ANOS1: variants seen among roughly 807,000 people sequenced by gnomAD.
ANOS1 encodes the protein anosmin 1.
In ANOS1, 6 loss-of-function variants were observed where a neutral mutation model predicts 59.0. That is an observed-to-expected ratio of 0.10 (90% CI 0.06 to 0.20). ANOS1 has a LOEUF of 0.20. ANOS1 is among the 10% of genes least tolerant of loss of function. The pLI is 1.00. For synonymous variants in ANOS1, 217 were observed against 223.4 expected (o/e 0.97, Z 0.25); for missense variants, 433 against 542.3 (o/e 0.80, Z 2.00).
intron 11 of ANOS1, among the ~76,000 whole-genome samples, chrX:8,536,188 CTTT>C (rs1304219147): frequency 3.1e-5 from 1 of 31,891 alleles, no homozygotes; most frequent in Non-Finnish European, 5.6e-5. Context: ...AAATCCGAAG[CTTT>C]TTTTTTTTTT....
chrX:8,679,067 A>G lies in ANOS1; in HGVS notation c.255+20631T>C, dbSNP rs192987333. Among the ~76,000 whole-genome samples, 7 of 111,517 alleles carry G rather than the reference A, an allele frequency of 6.3e-5. No homozygotes were observed. The East Asian group carries it at 2.0e-3, about 32-fold the overall frequency. On this transcript the variant is annotated intron_variant, in intron 2 of 13. Transcript: ENST00000262648. ...AAAGAGAGCAAAGTAAACAACTTTA[A>G]TTACAAAACAGAAACTGTCAGGCAT... is the stretch of plus-strand genomic sequence containing the variant.
chrX:8,628,565 G>A (rs1931434491), intron 2 of ANOS1, among the ~76,000 whole-genome samples: 1 of 111,670 alleles, frequency 9.0e-6, no homozygotes, highest in Admixed American at 9.5e-5. Context: ...CGAGAGGAGT[G>A]ATTATGAGAG....
chrX:8,712,291 A>G (rs371489292), intron 1 of ANOS1, among the ~76,000 whole-genome samples: 1 of 112,199 alleles, frequency 8.9e-6, no homozygotes, highest in African/African-American at 3.2e-5. Context: ...TAAGGACACC[A>G]GTCATATTGG....
chrX:8,700,712 A>G (rs1002143232), intron 1 of ANOS1, among the ~76,000 whole-genome samples: 1 of 112,443 alleles, frequency 8.9e-6, no homozygotes. Context: ...CACTCAATAT[A>G]TAACAAATAT....
At chrX:8,619,230 T>C (rs79540259) in intron 3 of ANOS1, among the ~76,000 whole-genome samples, 1 of 110,202 alleles carries the variant, frequency 9.1e-6, no homozygotes, top group South Asian at 3.9e-4. Flanking sequence ...GAAAATAAAA[T>C]CTCATATAAT....
At chrX:8,652,088 C>T (rs1602004779) in intron 2 of ANOS1, among the ~76,000 whole-genome samples, 1 of 110,837 alleles carries the variant, frequency 9.0e-6, no homozygotes, top group African/African-American at 3.3e-5. Context: ...GGACTACAAG[C>T]ATGCACCACC....
chrX:8,664,112 G>A (rs1044880520), intron 2 of ANOS1, among the ~76,000 whole-genome samples: 3 of 111,845 alleles, frequency 2.7e-5, no homozygotes, highest in South Asian at 3.8e-4. Context: ...TGATAGGTGC[G>A]ACAAACCATC....
At chrX:8,672,578 C>A (rs902381968) in intron 2 of ANOS1, among the ~76,000 whole-genome samples, 2 of 112,140 alleles carry the variant, frequency 1.8e-5, no homozygotes, top group African/African-American at 6.5e-5. Context: ...AGCTCCACTG[C>A]ATTTGAGAGA....
intron 8 of ANOS1, among the ~76,000 whole-genome samples, chrX:8,559,125 T>C (rs1261637336): frequency 8.9e-6 from 1 of 111,756 alleles, no homozygotes; most frequent in African/African-American, 3.2e-5. Flanking sequence ...GCACCGGCAG[T>C]GAGCTTGACC....
At chrX:8,590,583 T>C (rs773718557) in intron 4 of ANOS1, among the ~76,000 whole-genome samples, 1 of 112,098 alleles carries the variant, frequency 8.9e-6, no homozygotes, top group Admixed American at 9.5e-5. Context: ...ATGATGCCTG[T>C]CTTTCCATTA....
intron 6 of ANOS1, among the ~76,000 whole-genome samples, chrX:8,573,972 A>AT (rs1375969982): frequency 1.8e-5 from 2 of 111,638 alleles, no homozygotes; most frequent in African/African-American, 6.5e-5. Context: ...GTTTTTCTGA[A>AT]TACAGCAGTC....
chrX:8,590,836 G>T (rs73472367), intron 4 of ANOS1, among the ~76,000 whole-genome samples: 2 of 111,790 alleles, frequency 1.8e-5, no homozygotes, highest in East Asian at 5.6e-4. Flanking sequence ...AGTCACCTAG[G>T]GAAGGGTGAA....
intron 2 of ANOS1, among the ~76,000 whole-genome samples, chrX:8,695,760 G>A (rs1932676876): frequency 9.3e-6 from 1 of 107,970 alleles, no homozygotes; most frequent in South Asian, 4.0e-4. Flanking sequence ...TTGAGCAGGA[G>A]ATCTTTCATA....
chrX:8,717,881 T>C (rs190303003), intron 1 of ANOS1, among the ~76,000 whole-genome samples: 2 of 109,713 alleles, frequency 1.8e-5, no homozygotes, highest in East Asian at 2.9e-4. Flanking sequence ...CTAGGCAATA[T>C]AGTGAGAACT....
At chrX:8,553,792 T>C (rs1467736531) in intron 9 of ANOS1, among the ~76,000 whole-genome samples, 160 bp downstream of exon 9, 1 of 112,113 alleles carries the variant, frequency 8.9e-6, no homozygotes, top group African/African-American at 3.2e-5. Context: ...CTGTTGTAGA[T>C]TTCAAGATGT....
chrX:8,680,504 G>T (rs1238828207), intron 2 of ANOS1, among the ~76,000 whole-genome samples: 1 of 111,516 alleles, frequency 9.0e-6, no homozygotes. Flanking sequence ...TTTGAACCAG[G>T]GTGTTTTTGT....
intron 1 of ANOS1, among the ~76,000 whole-genome samples, chrX:8,710,256 T>TTTTGAAA (rs1410837645): frequency 8.9e-6 from 1 of 111,909 alleles, no homozygotes; most frequent in Admixed American, 9.5e-5. Flanking sequence ...TTATGAGGGC[T>TTTTGAAA]TTTGAAATTC....
chrX:8,666,467 T>C (rs1333080764), intron 2 of ANOS1, among the ~76,000 whole-genome samples: 1 of 111,856 alleles, frequency 8.9e-6, no homozygotes, highest in African/African-American at 3.2e-5. Flanking sequence ...TGAAATAAGG[T>C]TCCTGGAGCC....
chrX:8,580,877 C>T (rs144085010), intron 6 of ANOS1, among the ~76,000 whole-genome samples: 2 of 111,818 alleles, frequency 1.8e-5, no homozygotes, highest in Non-Finnish European at 3.8e-5. Context: ...AAACCAAATA[C>T]ACTAGATAAT....
Sources: allele counts gnomAD v4.1 joint callset (sites outside exome capture counted in the v4.1 genomes callset), GRCh38; gene constraint gnomAD v4.1.1; transcripts MANE v1.5; gene names NCBI Gene and HGNC (gene_info 2026-07-23, HGNC 2026-07-21).